LRRC4C: variants seen among roughly 807,000 people sequenced by gnomAD.
LRRC4C encodes the protein leucine rich repeat containing 4C.
In LRRC4C, 5 loss-of-function variants were observed where a neutral mutation model predicts 33.6. That is an observed-to-expected ratio of 0.15 (90% CI 0.08 to 0.31). The LOEUF is 0.31. Ranked by LOEUF, LRRC4C falls within the 10% of genes least tolerant of loss-of-function variation. LRRC4C has a pLI of 1.00. For missense variants in LRRC4C, 560 were observed against 796.7 expected, an observed-to-expected ratio of 0.70 and a Z score of 3.58; for synonymous variants, 329 against 302.0, an observed-to-expected ratio of 1.09 and a Z score of -0.93.
intron 1 of LRRC4C, among the ~76,000 whole-genome samples, chr11:40,987,706 A>T (rs1853170546): frequency 7.1e-6 from 1 of 141,120 alleles, no homozygotes; most frequent in Non-Finnish European, 1.5e-5. Flanking sequence ...TATATATGAG[A>T]TATATATGAT....
intron 1 of LRRC4C, among the ~76,000 whole-genome samples, chr11:41,100,203 C>T (rs1269913942): frequency 2.0e-5 from 3 of 152,004 alleles, no homozygotes; most frequent in Non-Finnish European, 1.5e-5. Flanking sequence ...AAACATTGCT[C>T]AAAGAAATCA....
chr11:41,223,719 C>T (rs1024470254), intron 1 of LRRC4C, among the ~76,000 whole-genome samples: 4 of 152,148 alleles, frequency 2.6e-5, no homozygotes, highest in Admixed American at 6.5e-5. Flanking sequence ...CAGATTAAGC[C>T]ATGTTCAAGC....
chr11:40,461,110 C>CA (rs914827803), intron 3 of LRRC4C, among the ~76,000 whole-genome samples: 4 of 151,960 alleles, frequency 2.6e-5, no homozygotes, highest in African/African-American at 7.2e-5. Flanking sequence ...ACAAAACAGA[C>CA]AAAAAATCTT....
intron 5 of LRRC4C, among the ~76,000 whole-genome samples, chr11:40,224,764 T>C (rs2135954640): frequency 6.6e-6 from 1 of 152,332 alleles, no homozygotes; most frequent in East Asian, 1.9e-4. Context: ...AATAAATTAA[T>C]GTTATTCTTA....
chr11:40,485,007 C>T (rs1264567919), intron 3 of LRRC4C, among the ~76,000 whole-genome samples: 1 of 151,956 alleles, frequency 6.6e-6, no homozygotes, highest in Non-Finnish European at 1.5e-5. Context: ...ACAGTAGCAC[C>T]TCAAAAGACC....
chr11:40,439,794 A>G (rs761572602), intron 3 of LRRC4C, among the ~76,000 whole-genome samples: 12 of 152,156 alleles, frequency 7.9e-5, no homozygotes, highest in Admixed American at 3.3e-4. Context: ...TACTACTACT[A>G]ACATTTAAAA....
At chr11:40,407,501 TC>T (rs1209407690) in intron 3 of LRRC4C, among the ~76,000 whole-genome samples, 1 of 152,100 alleles carries the variant, frequency 6.6e-6, no homozygotes, top group African/African-American at 2.4e-5. Flanking sequence ...CTGAAAGTCA[TC>T]AGTTTAATGA....
intron 1 of LRRC4C, among the ~76,000 whole-genome samples, chr11:41,171,423 T>C (rs1944971089): frequency 6.6e-6 from 1 of 151,934 alleles, no homozygotes; most frequent in East Asian, 1.9e-4. Context: ...TATGCAGCCA[T>C]AAAAAGGATG....
intron 4 of LRRC4C, among the ~76,000 whole-genome samples, chr11:40,263,389 C>T (rs1181719286): frequency 6.6e-6 from 1 of 152,074 alleles, no homozygotes; most frequent in Non-Finnish European, 1.5e-5. Flanking sequence ...TTCCCTTATC[C>T]ATTCTCTACT....
chr11:41,189,200 TA>T (rs1945837693), intron 1 of LRRC4C, among the ~76,000 whole-genome samples: 1 of 152,022 alleles, frequency 6.6e-6, no homozygotes, highest in Non-Finnish European at 1.5e-5. Context: ...TACTGAGAGA[TA>T]AAAACAATGA....
intron 3 of LRRC4C, among the ~76,000 whole-genome samples, chr11:40,385,409 T>A (rs1397978101): frequency 6.6e-6 from 1 of 152,210 alleles, no homozygotes; most frequent in African/African-American, 2.4e-5. Context: ...CCTAAACATA[T>A]GTCAAATGAT....
intron 2 of LRRC4C, among the ~76,000 whole-genome samples, chr11:40,878,427 T>C (rs973135130): frequency 2.0e-5 from 3 of 152,166 alleles, no homozygotes; most frequent in South Asian, 4.1e-4. Context: ...ATCACCGTCT[T>C]AGCTCCACCT....
chr11:40,766,465 C>A (rs1377548031), intron 2 of LRRC4C, among the ~76,000 whole-genome samples: 4 of 145,010 alleles, frequency 2.8e-5, no homozygotes, highest in Non-Finnish European at 4.5e-5. Flanking sequence ...AATACTATAA[C>A]ACTGTAATTG....
chr11:40,300,699 C>G (rs1944732392), intron 4 of LRRC4C, among the ~76,000 whole-genome samples: 1 of 152,190 alleles, frequency 6.6e-6, no homozygotes, highest in Non-Finnish European at 1.5e-5. Context: ...GATTACTTAC[C>G]TAATACAATC....
chr11:41,184,308 C>T (rs1266854416), intron 1 of LRRC4C, among the ~76,000 whole-genome samples: 2 of 151,580 alleles, frequency 1.3e-5, no homozygotes, highest in Admixed American at 1.3e-4. Context: ...AACCTTTATG[C>T]TCCACTTCCT....
At chr11:40,476,345 T>TCTTTTC (rs71060963) in intron 3 of LRRC4C, among the ~76,000 whole-genome samples, 18 of 136,520 alleles carry the variant, frequency 1.3e-4, no homozygotes, top group Admixed American at 2.9e-4. Context: ...TTTTCTTCTT[T>TCTTTTC]TTTTTTTTTT....
intron 4 of LRRC4C, among the ~76,000 whole-genome samples, chr11:40,318,815 A>G (rs576535617): frequency 2.0e-5 from 3 of 152,226 alleles, no homozygotes; most frequent in Non-Finnish European, 2.9e-5. Flanking sequence ...AAGTAAAAAC[A>G]TAAATGGTAG....
At chr11:41,029,430 G>C (rs559303368) in intron 1 of LRRC4C, among the ~76,000 whole-genome samples, 86 of 151,862 alleles carry the variant, frequency 5.7e-4, no homozygotes, top group African/African-American at 2.0e-3. Flanking sequence ...TGGTTTGAGA[G>C]CACTGACATT....
intron 2 of LRRC4C, among the ~76,000 whole-genome samples, chr11:40,823,301 A>G (rs977410365): frequency 6.6e-6 from 1 of 151,776 alleles, no homozygotes; most frequent in African/African-American, 2.4e-5. Context: ...CAGAATCAAA[A>G]GCCCAATCAA....
Sources: gnomAD v4.1 joint callset for allele counts (sites outside exome capture counted in the v4.1 genomes callset) on GRCh38, gnomAD v4.1.1 for gene constraint, MANE v1.5 for transcripts, NCBI Gene and HGNC (gene_info 2026-07-23, HGNC 2026-07-21) for gene names.